Variants in GNB1 observed in about 807,000 individuals in gnomAD.
The protein encoded by GNB1 is G protein subunit beta 1, also known as guanine nucleotide-binding protein G(I)/G(S)/G(T) subunit beta-1.
Under a neutral mutation model 42.9 loss-of-function variants are expected in GNB1, and 2 were observed. That is an observed-to-expected ratio of 0.05 (90% CI 0.02 to 0.15). GNB1 has a LOEUF of 0.15. Among genes scored for constraint, GNB1 ranks in the 10% least tolerant of loss-of-function variants. The pLI is 1.00. For synonymous variants in GNB1, 183 were observed against 174.7 expected, an observed-to-expected ratio of 1.05 and a Z score of -0.38; for missense variants, 193 against 462.2, an observed-to-expected ratio of 0.42 and a Z score of 5.34.
intron 5 of GNB1, among the ~76,000 whole-genome samples, chr1:1,813,041 G>A (rs1430475190): frequency 6.6e-6 from 1 of 152,060 alleles, no homozygotes; most frequent in Non-Finnish European, 1.5e-5. Flanking sequence ...TGCCTAATCT[G>A]CACATCAGTG....
intron 4 of GNB1, 49 bp from the exon 5 acceptor site, chr1:1,815,911 T>TC: frequency 1.8e-6 from 2 of 1,113,948 alleles, no homozygotes; most frequent in Non-Finnish European, 2.7e-6. Flanking sequence ...ATTAAACGAT[T>TC]CTCCTCATCA....
At chr1:1,857,256 A>G (rs1648356280) in intron 1 of GNB1, among the ~76,000 whole-genome samples, 1 of 152,136 alleles carries the variant, frequency 6.6e-6, no homozygotes, top group Non-Finnish European at 1.5e-5. Flanking sequence ...TAAACTGGAA[A>G]CGAGAAAGTG....
intron 1 of GNB1, among the ~76,000 whole-genome samples, chr1:1,874,379 C>A (rs931976630): frequency 6.6e-6 from 1 of 151,828 alleles, no homozygotes; most frequent in Non-Finnish European, 1.5e-5. Flanking sequence ...GAGGCTGAGG[C>A]GGGCGGACTG....
intron 2 of GNB1, among the ~76,000 whole-genome samples, chr1:1,829,163 T>C (rs1647041316): frequency 6.6e-6 from 1 of 152,146 alleles, no homozygotes; most frequent in Non-Finnish European, 1.5e-5. Flanking sequence ...TTCAAGTGAT[T>C]CTTTTGCCTC....
intron 5 of GNB1, among the ~76,000 whole-genome samples, chr1:1,806,794 C>T (rs187512648): frequency 1.9e-3 from 292 of 152,186 alleles, no homozygotes; most frequent in African/African-American, 6.7e-3. Flanking sequence ...GCCAGCATGG[C>T]GAAACCCTGT....
chr1:1,860,545 G>A lies in GNB1; in HGVS notation c.-95-21307C>T, dbSNP rs772905731. Among the ~76,000 whole-genome samples, 29 of 151,798 alleles carry A rather than the reference G, an allele frequency of 1.9e-4. No homozygotes were observed. In the East Asian group the frequency reaches 5.6e-3, roughly 29 times the overall value. ...CCAGCTACCTGGGAGGCTGAGGCAG[G>A]AGAACGGTGTCAACCTTGGAGGCGG... On this transcript the variant is annotated intron_variant, in intron 1 of 11. Transcript: ENST00000378609.
At chr1:1,878,106 C>G (rs1316899783) in intron 1 of GNB1, among the ~76,000 whole-genome samples, 3 of 152,204 alleles carry the variant, frequency 2.0e-5, no homozygotes, top group Admixed American at 2.0e-4. Flanking sequence ...ATCCAGTCAT[C>G]TGTAAGATGG....
intron 8 of GNB1, among the ~76,000 whole-genome samples, chr1:1,791,060 GAGA>G (rs575163840): frequency 3.0e-4 from 45 of 152,302 alleles, no homozygotes; most frequent in Non-Finnish European, 5.9e-4. Context: ...AGGCAGGCAG[GAGA>G]AGGCCAATGC....
chr1:1,890,728 C>T (rs1472694384), intron 1 of GNB1, 92 bp downstream of exon 1: 3 of 148,312 alleles, frequency 2.0e-5, no homozygotes, highest in Non-Finnish European at 4.5e-5. Flanking sequence ...CGGCCCCGAC[C>T]GGCGGGTGGG....
chr1:1,830,544 C>T (rs1440684508), intron 2 of GNB1, among the ~76,000 whole-genome samples: 2 of 152,070 alleles, frequency 1.3e-5, no homozygotes, highest in Non-Finnish European at 2.9e-5. Context: ...CCACCGCGCC[C>T]AGCCTTAATG....
At chr1:1,822,300 CTTT>C (rs33922220) in intron 3 of GNB1, among the ~76,000 whole-genome samples, 14 of 97,732 alleles carry the variant, frequency 1.4e-4, no homozygotes, top group South Asian at 6.4e-4. Flanking sequence ...TCTCTTTTTA[CTTT>C]TTTTTTTTTT....
At chr1:1,886,065 A>G (rs1650137571) in intron 1 of GNB1, among the ~76,000 whole-genome samples, 1 of 151,616 alleles carries the variant, frequency 6.6e-6, no homozygotes, top group Admixed American at 6.6e-5. Context: ...TAATCCTAGA[A>G]CTTTGGGAGG....
At position 1,790,724 on chromosome 1, in the gene GNB1, G is replaced by T; in HGVS notation, c.498-128C>A. 2 of 639,066 alleles carry T rather than the reference G, an allele frequency of 3.1e-6. No individual in the cohort carries two copies. Among genetic ancestry groups the T allele is most frequent in the South Asian group, 1.9e-5 (1 of 52,702 alleles). 39.6% of individuals were successfully genotyped at this position (639,066 alleles called of 1,614,324 possible). A position where few individuals can be genotyped will look rare whatever the true frequency, so the allele number is the denominator to read the frequency against. On this transcript the variant is annotated intron_variant, in intron 8 of 11. Transcript: ENST00000378609. This position sits in a 1 kb window ranked among gnomAD's most constrained non-coding sequence, Gnocchi z 5.4. ...GCCTCTGCACTGTTACTTTAAAAACGTAAATTGTTTAAAGACAAATTTAAA... is the reference window on the plus strand; with the variant it reads ...GCCTCTGCACTGTTACTTTAAAAACTTAAATTGTTTAAAGACAAATTTAAA...
In GNB1 at chr1:1,792,447, C is replaced by CA. The variant is rs564260823; in HGVS notation, c.497+797dup. Among the ~76,000 whole-genome samples the CA allele has an allele frequency of 5.4e-4, 82 of 152,204 alleles. No homozygotes were observed. In the East Asian group the frequency reaches 6.0e-3, roughly 11 times the overall value. On this transcript the variant is annotated intron_variant, in intron 8 of 11. Coordinates refer to ENST00000378609, the MANE Select transcript of GNB1 (RefSeq NM_002074.5). ...GCATGGGGGCTCACACCTGTAATCC[C>CA]AGCACTTTCAGAGGCTGACGCAGGC...
intron 7 of GNB1, among the ~76,000 whole-genome samples, chr1:1,799,005 C>T (rs183072342): frequency 5.3e-4 from 81 of 152,010 alleles, no homozygotes; most frequent in African/African-American, 1.8e-3. Flanking sequence ...CTGCAGGCTC[C>T]GCCCCCCGGG....
At position 1,852,452 on chromosome 1, in the gene GNB1, G is replaced by C. The variant is rs555822784; in HGVS notation, c.-95-13214C>G. ...TCACGATGTTAGCCAGGATGGTCTC[G>C]ATCTCCTGACCTCGCGACCCGCCCG... On this transcript the variant is annotated intron_variant, in intron 1 of 11. Coordinates refer to ENST00000378609, the MANE Select transcript of GNB1 (RefSeq NM_002074.5). 6.6e-5 allele frequency among the ~76,000 whole-genome samples: 10 copies of C among 152,012 alleles called. No homozygotes were observed. The South Asian group carries it at 1.0e-3, about 16-fold the overall frequency.
intron 1 of GNB1, among the ~76,000 whole-genome samples, chr1:1,877,107 C>A (rs532383193): frequency 6.6e-5 from 10 of 151,970 alleles, no homozygotes; most frequent in African/African-American, 2.2e-4. Flanking sequence ...TCGAGACCAG[C>A]CTGACCAACA....
chr1:1,887,475 A>G (rs1344746584), intron 1 of GNB1, among the ~76,000 whole-genome samples: 1 of 152,262 alleles, frequency 6.6e-6, no homozygotes, highest in East Asian at 1.9e-4. Context: ...CAAAGGGAAG[A>G]GAACAAAGCT....
intron 2 of GNB1, 190 bp from the exon 3 acceptor site, chr1:1,825,689 C>T (rs1646988803): frequency 2.8e-6 from 1 of 362,262 alleles, no homozygotes; most frequent in African/African-American, 2.1e-5. Context: ...ACGGTCAAAC[C>T]CCTTCTCTAC....
Sources: gnomAD v4.1 joint callset for allele counts (sites outside exome capture counted in the v4.1 genomes callset) on GRCh38, gnomAD v4.1.1 for gene constraint, Gnocchi (gnomAD v3.1) non-coding constraint, MANE v1.5 for transcripts, NCBI Gene and HGNC (gene_info 2026-07-23, HGNC 2026-07-21) for gene names.